Variants in ANXA2 observed in about 807,000 individuals in gnomAD.
ANXA2 encodes the protein annexin A2, also known as annexin II.
In ANXA2, 28 loss-of-function variants were observed where a neutral mutation model predicts 47.3. The ratio of observed to expected loss-of-function variants is 0.59; its 90% CI spans 0.44 to 0.81. The LOEUF (loss-of-function observed/expected upper bound fraction) is 0.81. Ranked by LOEUF, ANXA2 falls within the 40% of genes least tolerant of loss-of-function variation. ANXA2 has a pLI of 0.00. For synonymous variants in ANXA2, 172 were observed against 155.5 expected, an observed-to-expected ratio of 1.11 and a Z score of -0.79; for missense variants, 384 against 414.3, an observed-to-expected ratio of 0.93 and a Z score of 0.64.
intron 3 of ANXA2, among the ~76,000 whole-genome samples, chr15:60,380,433 C>T (rs2062840691): frequency 6.8e-6 from 1 of 147,684 alleles, no homozygotes; most frequent in South Asian, 2.1e-4. Context: ...ATAAGCCCTG[C>T]AGATTTTAGT....
intron 6 of ANXA2, 21 bp from the exon 7 acceptor site, chr15:60,356,019 G>T (rs369759947): frequency 2.5e-6 from 4 of 1,583,812 alleles, no homozygotes; most frequent in Non-Finnish European, 2.6e-6. Flanking sequence ...AATACATCTG[G>T]TTTTATGCTT....
intron 1 of ANXA2, among the ~76,000 whole-genome samples, chr15:60,393,808 C>A (rs1024512482): frequency 1.3e-5 from 2 of 152,192 alleles, no homozygotes; most frequent in African/African-American, 4.8e-5. Flanking sequence ...CAACTTAACT[C>A]CCTCCTGTTT....
intron 5 of ANXA2, 28 bp from the exon 6 acceptor site, chr15:60,357,264 C>A (rs1024188968): frequency 1.3e-6 from 2 of 1,581,302 alleles, no homozygotes; most frequent in South Asian, 2.2e-5. Flanking sequence ...CGAACATCAG[C>A]AGGGAAATGC....
intron 1 of ANXA2, chr15:60,390,251 C>T: frequency 2.9e-6 from 3 of 1,029,556 alleles, no homozygotes; most frequent in South Asian, 3.3e-5. Flanking sequence ...TTATCCCATG[C>T]AGGTGCCTTT....
intron 7 of ANXA2, 45 bp downstream of exon 7, chr15:60,355,874 G>A (rs767422477): frequency 2.7e-6 from 4 of 1,474,802 alleles, no homozygotes; most frequent in Middle Eastern, 1.7e-4. Flanking sequence ...TATGTGACTT[G>A]CCTTGGGAGG....
chr15:60,393,191 C>T, intron 1 of ANXA2: 1 of 1,215,104 alleles, frequency 8.2e-7, no homozygotes, highest in South Asian at 1.5e-5. Context: ...TCCAGCTTGT[C>T]TCTTCTGTGG....
rs142228912 is a variant in ANXA2 at position 60,351,243 on chromosome 15, T to G, written c.787A>C (p.Ile263Leu). Reference protein sequence around the residue: ...ENAFLNLVQCIQNKPLYFADR... With the variant: ...ENAFLNLVQCLQNKPLYFADR... Reference sequence around the variant, plus strand: ...GCAAAATACAGGGGCTTGTTCTGAATGCACTGAACTGTGGAGAGAAGAAAG... The same window carrying G: ...GCAAAATACAGGGGCTTGTTCTGAAGGCACTGAACTGTGGAGAGAAGAAAG... The change falls in exon 11 of 13, where the codon ATT becomes CTT. Residue 263 changes from isoleucine (I) to leucine (L), a missense_variant. Physicochemically the swap from Ile to Leu is conservative, Grantham distance 5. Coordinates refer to ENST00000451270, the MANE Select transcript of ANXA2 (RefSeq NM_004039.3). The G allele has an allele frequency of 1.9e-6, 3 of 1,614,232 alleles. No individual in the cohort carries two copies. The highest frequency in any genetic ancestry group is 2.5e-6 in the Non-Finnish European group (3 of 1,180,038).
chr15:60,350,198 A>G (rs1343888634), intron 11 of ANXA2, among the ~76,000 whole-genome samples: 1 of 151,308 alleles, frequency 6.6e-6, no homozygotes, highest in African/African-American at 2.5e-5. Context: ...AAAGAAAAAA[A>G]AAGACAAGAC....
chr15:60,366,340 C>T (rs1422621758), intron 3 of ANXA2, among the ~76,000 whole-genome samples: 2 of 148,868 alleles, frequency 1.3e-5, no homozygotes, highest in Non-Finnish European at 3.0e-5. Context: ...CTCTGCCTGG[C>T]TGCCCAGTCT....
chr15:60,378,145 T>C (rs1176654521), intron 3 of ANXA2, among the ~76,000 whole-genome samples: 1 of 152,160 alleles, frequency 6.6e-6, no homozygotes, highest in Non-Finnish European at 1.5e-5. Flanking sequence ...ACATAGCATA[T>C]ACCATCCCAT....
rs1030830951 is a variant in ANXA2, at chr15:60,386,186, A to G, written c.-11-100T>C. ...TAATTTCTACTCCTTGGACCATTTC[A>G]TCTGACGATATTGGAGTAGTTTTTG... On this transcript the variant is annotated intron_variant, in intron 1 of 12. Transcript: ENST00000451270. 29 of 801,680 alleles carry G rather than the reference A, an allele frequency of 3.6e-5. No individual in the cohort carries two copies. The Admixed American group carries it at 6.8e-4, about 19-fold the overall frequency. The allele number at this position is 801,680 out of a possible 1,614,324, so 49.7% of individuals were successfully genotyped here.
rs1016580183 is a variant in ANXA2 at position 60,397,270 on chromosome 15, A to T, written c.-12+673T>A. On this transcript the variant is annotated intron_variant, in intron 1 of 12. Coordinates refer to ENST00000451270, the MANE Select transcript of ANXA2 (RefSeq NM_004039.3). Reference sequence around the variant, plus strand: ...TGGGGGACACTACCTTCCTGAGGCCAATGTGTTCAACCAAGCGGGAAACTC... The same window carrying T: ...TGGGGGACACTACCTTCCTGAGGCCTATGTGTTCAACCAAGCGGGAAACTC... The T allele has an allele frequency of 5.7e-5, 56 of 985,394 alleles. No individual in the cohort carries two copies. The African/African-American group carries it at 9.8e-4, about 17-fold the overall frequency. 61.0% of individuals were successfully genotyped at this position (985,394 alleles called of 1,614,324 possible). A position where few individuals can be genotyped will look rare whatever the true frequency, so the allele number is the denominator to read the frequency against.
intron 3 of ANXA2, among the ~76,000 whole-genome samples, chr15:60,364,947 A>G (rs947236782): frequency 1.3e-5 from 2 of 150,540 alleles, no homozygotes; most frequent in African/African-American, 2.4e-5. Context: ...TAATAGAGAT[A>G]ATTATTTATA....
intron 7 of ANXA2, 107 bp from the exon 8 acceptor site, chr15:60,354,320 G>T: frequency 1.1e-6 from 1 of 902,566 alleles, no homozygotes; most frequent in Non-Finnish European, 1.7e-6. Context: ...TCCTAAATAA[G>T]TAACCACGTA....
At chr15:60,394,998 A>G (rs949363069) in intron 1 of ANXA2, among the ~76,000 whole-genome samples, 1 of 152,232 alleles carries the variant, frequency 6.6e-6, no homozygotes, top group Non-Finnish European at 1.5e-5. Flanking sequence ...CATGTGAAAA[A>G]AAAGAGGAAC....
intron 1 of ANXA2, among the ~76,000 whole-genome samples, chr15:60,388,846 A>G (rs901910913): frequency 8.1e-5 from 12 of 148,518 alleles, no homozygotes; most frequent in East Asian, 6.0e-4. Context: ...GACTCAAGAG[A>G]TCCTCCTGCC....
At chr15:60,354,030 A>G in intron 8 of ANXA2, 124 bp downstream of exon 8, 1 of 669,242 alleles carries the variant, frequency 1.5e-6, no homozygotes, top group Non-Finnish European at 2.5e-6. Context: ...GAGAAATAAT[A>G]CATGTTTGTT....
At chr15:60,376,457 G>A (rs969968985) in intron 3 of ANXA2, among the ~76,000 whole-genome samples, 23 of 152,224 alleles carry the variant, frequency 1.5e-4, no homozygotes, top group African/African-American at 5.3e-4. Flanking sequence ...TTAGGGGAAG[G>A]GGTGAATAAG....
intron 7 of ANXA2, chr15:60,355,648 C>T (rs1463815254): frequency 3.8e-6 from 2 of 522,438 alleles, no homozygotes; most frequent in African/African-American, 1.9e-5. Flanking sequence ...ACGGCCAAGG[C>T]TCTGGCACAT....
Sources: gnomAD v4.1 joint callset for allele counts (sites outside exome capture counted in the v4.1 genomes callset) on GRCh38, gnomAD v4.1.1 for gene constraint, MANE v1.5 for transcripts, NCBI Gene and HGNC (gene_info 2026-07-23, HGNC 2026-07-21) for gene names.